POLN: variants seen among roughly 807,000 people sequenced by gnomAD.
POLN encodes the protein DNA polymerase N.
Under a neutral mutation model 113.5 loss-of-function variants are expected in POLN, and 108 were observed. That is an observed-to-expected ratio of 0.95 (90% CI 0.81 to 1.12). The LOEUF is 1.12. Among genes scored for constraint, POLN ranks in the 50% most tolerant of loss-of-function variants. The pLI is 0.00. For missense variants in POLN, 1,097 were observed against 1,077.1 expected (o/e 1.02, Z -0.26); for synonymous variants, 386 against 391.5 (o/e 0.99, Z 0.17).
At chr4:2,138,203 C>T (rs1385945586) in intron 16 of POLN, among the ~76,000 whole-genome samples, 1 of 152,164 alleles carries the variant, frequency 6.6e-6, no homozygotes, top group Non-Finnish European at 1.5e-5. Flanking sequence ...GTTCAGAAAA[C>T]ATCTGTTGAA....
chr4:2,141,057 AAAGAGGC>A (rs1731989717), intron 16 of POLN: 1 of 152,378 alleles, frequency 6.6e-6, no homozygotes, highest in South Asian at 2.1e-4. Flanking sequence ...GCTATGCAAG[AAAGAGGC>A]TGAGGAAAGG....
intron 16 of POLN, among the ~76,000 whole-genome samples, chr4:2,132,849 C>T (rs1289261360): frequency 6.6e-6 from 1 of 152,176 alleles, no homozygotes; most frequent in Non-Finnish European, 1.5e-5. Context: ...ATTCTTCAGG[C>T]TGAAGGGAAA....
intron 19 of POLN, among the ~76,000 whole-genome samples, chr4:2,109,762 A>G (rs1731148884): frequency 6.6e-6 from 1 of 152,116 alleles, no homozygotes; most frequent in African/African-American, 2.4e-5. Context: ...CTGTCTACAC[A>G]TGTATATTGA....
At chr4:2,131,331 T>C (rs771226657) in intron 16 of POLN, 41 bp from the exon 17 acceptor site, 1 of 1,333,998 alleles carries the variant, frequency 7.5e-7, no homozygotes, top group South Asian at 1.2e-5. Flanking sequence ...AAATATCTAC[T>C]CTTAATCTGT....
intron 4 of POLN, among the ~76,000 whole-genome samples, 158 bp downstream of exon 4, chr4:2,212,889 C>T (rs1056169818): frequency 6.6e-6 from 1 of 151,900 alleles, no homozygotes; most frequent in Non-Finnish European, 1.5e-5. Flanking sequence ...CTCCCTGCAT[C>T]CAAATTAAAC....
chr4:2,185,377 T>C (rs1025242897), intron 7 of POLN, among the ~76,000 whole-genome samples: 3 of 152,234 alleles, frequency 2.0e-5, no homozygotes, highest in Non-Finnish European at 2.9e-5. Context: ...ATCTGGTTTC[T>C]TGAACACCAA....
At chr4:2,241,846 G>C (rs1190270318) in intron 1 of POLN, 56 bp from the exon 2 acceptor site, 3 of 985,422 alleles carry the variant, frequency 3.0e-6, no homozygotes, top group Admixed American at 1.2e-4. Flanking sequence ...AGCTGCAGAA[G>C]ACGGGGGTGA....
intron 16 of POLN, among the ~76,000 whole-genome samples, chr4:2,146,382 C>A (rs1012667442): frequency 6.6e-6 from 1 of 152,150 alleles, no homozygotes; most frequent in South Asian, 2.1e-4. Context: ...GTGGCACGCA[C>A]CTGTAATCCC....
intron 6 of POLN, among the ~76,000 whole-genome samples, chr4:2,197,594 A>G (rs1339271234): frequency 2.6e-5 from 4 of 152,224 alleles, no homozygotes; most frequent in Non-Finnish European, 5.9e-5. Flanking sequence ...CATCATCCAG[A>G]TATTAGGGCT....
chr4:2,168,397 ACATAC>A (rs1287726653), intron 13 of POLN, among the ~76,000 whole-genome samples: 1 of 152,252 alleles, frequency 6.6e-6, no homozygotes, highest in Non-Finnish European at 1.5e-5. Context: ...GAATTTGGCC[ACATAC>A]CTGGCACAAG....
intron 13 of POLN, among the ~76,000 whole-genome samples, chr4:2,162,769 T>A (rs1250701902): frequency 6.6e-6 from 1 of 152,142 alleles, no homozygotes; most frequent in Admixed American, 6.5e-5. Flanking sequence ...ATTTTATTTT[T>A]TTTTTACCTT....
In POLN at chr4:2,171,094, T is replaced by C. The variant is rs1345248936; in HGVS notation, c.1458+4A>G. 6.2e-7 allele frequency: 1 copy of C among 1,608,540 alleles called. No individual in the cohort carries two copies. The highest frequency in any genetic ancestry group is 1.7e-5 in the Admixed American group (1 of 58,986). On this transcript the variant is annotated splice_donor_region_variant and intron_variant, in intron 12 of 25. Coordinates refer to ENST00000511885, the MANE Select transcript of POLN (RefSeq NM_181808.4). The stretch of plus-strand genomic sequence containing the variant: ...TTTATGAAAGAACCAAAATTCAGCT[T>C]TACCTCTCGAAGCTGGTTATTGCTC...
At chr4:2,137,853 T>C (rs1731899657) in intron 16 of POLN, among the ~76,000 whole-genome samples, 2 of 151,690 alleles carry the variant, frequency 1.3e-5, no homozygotes, top group South Asian at 4.2e-4. Flanking sequence ...GGCGGGTCGG[T>C]GGGGGAACAG....
chr4:2,239,935 C>A (rs1327962558), intron 2 of POLN: 5 of 840,104 alleles, frequency 6.0e-6, no homozygotes, highest in African/African-American at 3.5e-5. Context: ...AAAATGTAAT[C>A]TCTTCTCAGA....
At chr4:2,108,327 G>A (rs1206323672) in intron 19 of POLN, among the ~76,000 whole-genome samples, 2 of 151,968 alleles carry the variant, frequency 1.3e-5, no homozygotes, top group African/African-American at 4.8e-5. Flanking sequence ...AAGGCCCCAG[G>A]CCTCAGTTTC....
chr4:2,217,065 C>T (rs1052807843), intron 3 of POLN, among the ~76,000 whole-genome samples: 1 of 152,180 alleles, frequency 6.6e-6, no homozygotes, highest in African/African-American at 2.4e-5. Flanking sequence ...GGAAGTACTT[C>T]GTGACTGTTC....
chr4:2,103,634 G>A (rs909079193), intron 19 of POLN, among the ~76,000 whole-genome samples: 1 of 152,138 alleles, frequency 6.6e-6, no homozygotes, highest in Admixed American at 6.6e-5. Flanking sequence ...ATGTGAAAAG[G>A]ACTTTGCCAC....
chr4:2,241,439 C>G (rs944096154), intron 2 of POLN, 81 bp downstream of exon 2: 1 of 934,090 alleles, frequency 1.1e-6, no homozygotes, highest in African/African-American at 1.8e-5. Context: ...GGAGGCTAGG[C>G]AGCCTCTCTT....
intron 19 of POLN, among the ~76,000 whole-genome samples, chr4:2,109,933 T>C (rs1293402534): frequency 6.6e-6 from 1 of 152,202 alleles, no homozygotes; most frequent in Non-Finnish European, 1.5e-5. Flanking sequence ...TTCATTGATA[T>C]TTTAGCTTGA....
Sources: gnomAD v4.1 joint callset for allele counts (sites outside exome capture counted in the v4.1 genomes callset) on GRCh38, gnomAD v4.1.1 for gene constraint, MANE v1.5 for transcripts, NCBI Gene and HGNC (gene_info 2026-07-23, HGNC 2026-07-21) for gene names.